Variants in CNTN5 observed in about 807,000 individuals in gnomAD.
CNTN5 encodes the protein contactin 5.
CNTN5 carries 77 observed loss-of-function variants against 129.1 expected under a neutral mutation model. That is an observed-to-expected ratio of 0.60 (90% CI 0.50 to 0.72). CNTN5 has a LOEUF of 0.72. Ranked by LOEUF, CNTN5 falls within the 30% of genes least tolerant of loss-of-function variation. CNTN5 has a pLI of 0.00. For missense variants in CNTN5, 1,478 were observed against 1,328.8 expected, an observed-to-expected ratio of 1.11 and a Z score of -1.75; for synonymous variants, 509 against 465.6, an observed-to-expected ratio of 1.09 and a Z score of -1.20.
intron 2 of CNTN5, among the ~76,000 whole-genome samples, chr11:99,326,274 A>C (rs988665763): frequency 6.6e-6 from 1 of 152,202 alleles, no homozygotes. Context: ...TCAACCAAGA[A>C]GGTCAATACA....
rs188740414 is a variant in CNTN5, at chr11:99,057,811, T to A, written c.-210+36541T>A. Among the ~76,000 whole-genome samples, 1,138 of 151,366 alleles carry A rather than the reference T, an allele frequency of 7.5e-3. 15 individuals are homozygous for A. Among genetic ancestry groups the A allele is most frequent in the African/African-American group, 0.027 (1,096 of 40,996 alleles). ...GTGTGTGTGTGTGTGTGTGTGTGTG[T>A]GTGTGTATGGTCATAAATGCTGAAG... On this transcript the variant is annotated intron_variant, in intron 1 of 24. Transcript: ENST00000524871.
At chr11:99,698,331 G>T (rs1314947123) in intron 3 of CNTN5, among the ~76,000 whole-genome samples, 6 of 151,264 alleles carry the variant, frequency 4.0e-5, no homozygotes, top group Non-Finnish European at 4.4e-5. Context: ...GAGAAGAGAA[G>T]AAAGCTATAA....
intron 3 of CNTN5, among the ~76,000 whole-genome samples, chr11:99,764,718 A>G (rs1255569492): frequency 2.6e-5 from 4 of 152,124 alleles, no homozygotes; most frequent in Non-Finnish European, 4.4e-5. Context: ...ATTTAATGCA[A>G]TACATTCAAC....
intron 2 of CNTN5, among the ~76,000 whole-genome samples, chr11:99,338,432 G>T (rs535813620): frequency 8.4e-4 from 128 of 152,290 alleles, no homozygotes; most frequent in Admixed American, 3.9e-3. Flanking sequence ...CCATTAGGGG[G>T]TTGGAACAGA....
intron 3 of CNTN5, among the ~76,000 whole-genome samples, chr11:99,629,533 G>C (rs543378795): frequency 6.6e-6 from 1 of 151,844 alleles, no homozygotes; most frequent in African/African-American, 2.4e-5. Context: ...ATAAGTATTA[G>C]CATATTAAGG....
At chr11:99,084,250 C>A (rs1865912755) in intron 1 of CNTN5, among the ~76,000 whole-genome samples, 2 of 152,286 alleles carry the variant, frequency 1.3e-5, no homozygotes, top group Non-Finnish European at 2.9e-5. Flanking sequence ...GGCAGTAATT[C>A]TTTGAATCTT....
chr11:99,480,545 A>G (rs1188002876), intron 2 of CNTN5, among the ~76,000 whole-genome samples: 1 of 152,116 alleles, frequency 6.6e-6, no homozygotes, highest in Non-Finnish European at 1.5e-5. Flanking sequence ...TCATATAAAC[A>G]TTTGCTATTA....
chr11:100,221,686 C>T (rs559720460), intron 15 of CNTN5, among the ~76,000 whole-genome samples: 35 of 152,156 alleles, frequency 2.3e-4, no homozygotes, highest in African/African-American at 7.7e-4. Context: ...AGTTATTAAG[C>T]TCCCACTATG....
At chr11:99,776,278 C>G (rs1002151646) in intron 3 of CNTN5, among the ~76,000 whole-genome samples, 2 of 151,932 alleles carry the variant, frequency 1.3e-5, no homozygotes, top group East Asian at 1.9e-4. Flanking sequence ...AAGGCAGAAA[C>G]TAACTCTTAA....
intron 2 of CNTN5, among the ~76,000 whole-genome samples, chr11:99,337,970 A>C (rs945381507): frequency 3.3e-5 from 5 of 152,176 alleles, no homozygotes; most frequent in African/African-American, 9.7e-5. Flanking sequence ...CAACTATAGG[A>C]TATTTCAGAG....
intron 1 of CNTN5, among the ~76,000 whole-genome samples, chr11:99,280,782 T>C: frequency 6.6e-6 from 1 of 151,826 alleles, no homozygotes; most frequent in East Asian, 1.9e-4. Context: ...AATAATAATC[T>C]TTTGAAAGTA....
At chr11:99,335,469 A>T (rs1866182263) in intron 2 of CNTN5, among the ~76,000 whole-genome samples, 1 of 152,008 alleles carries the variant, frequency 6.6e-6, no homozygotes, top group Non-Finnish European at 1.5e-5. Context: ...TAGGCATACA[A>T]TGAAAATAGT....
At chr11:100,295,477 T>C (rs1247977508) in intron 18 of CNTN5, among the ~76,000 whole-genome samples, 1 of 151,500 alleles carries the variant, frequency 6.6e-6, no homozygotes, top group Non-Finnish European at 1.5e-5. Flanking sequence ...GTTAAAACTT[T>C]TAAAAATCTA....
Position 100,011,583 on chromosome 11 carries a change from A to G in CNTN5, c.980+9447A>G, listed in dbSNP as rs149550852. 1.1e-3 allele frequency among the ~76,000 whole-genome samples: 171 copies of G among 152,266 alleles called. 1 individual carries two copies. The highest frequency in any genetic ancestry group is 4.0e-3 in the African/African-American group (166 of 41,566). ...AATGACCTTTGCAAACTCATCTGAA[A>G]TCTTGTGGTGAGGTGGGAGGGAAGA... On this transcript the variant is annotated intron_variant, in intron 9 of 24. Transcript: ENST00000524871.
chr11:100,207,586 ATATAT>A lies in CNTN5; in HGVS notation c.1884+13930_1884+13934del, dbSNP rs551721245. On this transcript the variant is annotated intron_variant, in intron 15 of 24. Coordinates refer to ENST00000524871, the MANE Select transcript of CNTN5 (RefSeq NM_014361.4). ...TAACTACTGATAGCCCCATAAATAA[ATATAT>A]TATATTTACAAAATTTGTTTTAAAG... Among the ~76,000 whole-genome samples, 286 of 152,262 alleles carry A rather than the reference ATATAT, an allele frequency of 1.9e-3. 2 individuals are homozygous for A. Among genetic ancestry groups the A allele is most frequent in the African/African-American group, 6.4e-3 (266 of 41,562 alleles).
chr11:100,252,279 G>A (rs1038713140), intron 16 of CNTN5, among the ~76,000 whole-genome samples: 4 of 152,068 alleles, frequency 2.6e-5, no homozygotes, highest in Non-Finnish European at 5.9e-5. Flanking sequence ...ATTTGCTGTT[G>A]AAATGTTTGA....
chr11:99,336,710 G>T (rs1159086174), intron 2 of CNTN5, among the ~76,000 whole-genome samples: 3 of 151,836 alleles, frequency 2.0e-5, no homozygotes, highest in Non-Finnish European at 4.4e-5. Context: ...CATGGTGCTG[G>T]GTGCCTGTAA....
At chr11:99,925,474 G>A (rs944991623) in intron 7 of CNTN5, among the ~76,000 whole-genome samples, 3 of 152,084 alleles carry the variant, frequency 2.0e-5, no homozygotes, top group African/African-American at 7.2e-5. Flanking sequence ...CTAACATATA[G>A]TATATCCAGT....
chr11:99,914,950 GTTTA>G (rs983932074), intron 6 of CNTN5, among the ~76,000 whole-genome samples: 6 of 151,942 alleles, frequency 3.9e-5, no homozygotes, highest in African/African-American at 7.2e-5. Flanking sequence ...TGAGTGTTCA[GTTTA>G]TTTGTCAAAT....
Sources: allele counts gnomAD v4.1 joint callset (sites outside exome capture counted in the v4.1 genomes callset), GRCh38; gene constraint gnomAD v4.1.1; transcripts MANE v1.5; gene names NCBI Gene and HGNC (gene_info 2026-07-23, HGNC 2026-07-21).